ERICH1: variants seen among roughly 807,000 people sequenced by gnomAD.
ERICH1 encodes glutamate-rich protein 1.
Under a neutral mutation model 39.6 loss-of-function variants are expected in ERICH1, and 56 were observed. The ratio of observed to expected loss-of-function variants is 1.41; its 90% CI spans 1.14 to 1.77. The LOEUF (loss-of-function observed/expected upper bound fraction) is 1.77, where lower values mean the gene tolerates loss of function less well. ERICH1 is among the 40% of genes most tolerant of loss of function. ERICH1 has a pLI of 0.00. For missense variants in ERICH1, 826 were observed against 575.4 expected, an observed-to-expected ratio of 1.44 and a Z score of -4.45; for synonymous variants, 313 against 223.6, an observed-to-expected ratio of 1.40 and a Z score of -3.57.
rs1188620531 is a variant in ERICH1, at chr8:626,968, T to G, written c.977-11684A>C. The G allele has an allele frequency of 1.8e-5, 7 of 382,812 alleles. 1 individual carries two copies. The highest frequency in any genetic ancestry group is 9.0e-4 in the Middle Eastern group (1 of 1,116). 23.7% of individuals were successfully genotyped at this position (382,812 alleles called of 1,614,324 possible). The stretch of plus-strand genomic sequence containing the variant: ...TGGAACCCCAACCCGAGCTGTGCCG[T>G]GGAGGAGGAAAGCACAGCTTGGCCT... On this transcript the variant is annotated intron_variant, in intron 3 of 3. Coordinates refer to the ERICH1 transcript ENST00000522706.
chr8:618,411 G>A (rs1409038802), intron 3 of ERICH1, among the ~76,000 whole-genome samples: 7 of 151,978 alleles, frequency 4.6e-5, no homozygotes, highest in Admixed American at 4.6e-4. Flanking sequence ...CACCATCACT[G>A]CCCTCTGAGT....
At chr8:652,508 T>C (rs2117341705) in intron 3 of ERICH1, among the ~76,000 whole-genome samples, 1 of 152,360 alleles carries the variant, frequency 6.6e-6, no homozygotes, top group Admixed American at 6.5e-5. Flanking sequence ...TGGTTCTGGC[T>C]CACACCTGCT....
intron 1 of ERICH1, among the ~76,000 whole-genome samples, chr8:722,875 G>A (rs1369685810): frequency 2.6e-5 from 4 of 152,200 alleles, no homozygotes; most frequent in South Asian, 2.1e-4. Flanking sequence ...ATGCTTACAG[G>A]AATTCATTAA....
intron 3 of ERICH1, among the ~76,000 whole-genome samples, chr8:643,027 T>C (rs937662244): frequency 2.6e-5 from 4 of 152,122 alleles, no homozygotes; most frequent in Non-Finnish European, 5.9e-5. Context: ...GCCCTCCCTG[T>C]TGCTACTGGA....
At chr8:623,532 G>A (rs1284921512) in intron 3 of ERICH1, among the ~76,000 whole-genome samples, 2 of 152,040 alleles carry the variant, frequency 1.3e-5, no homozygotes, top group Non-Finnish European at 2.9e-5. Flanking sequence ...GATAAAAATT[G>A]TATATATTTA....
At chr8:680,690 C>G (rs1371241444) in intron 3 of ERICH1, among the ~76,000 whole-genome samples, 1 of 152,286 alleles carries the variant, frequency 6.6e-6, no homozygotes, top group Non-Finnish European at 1.5e-5. Context: ...GAATCCACAG[C>G]TGCCACCCCA....
chr8:694,774 T>G (rs1033049325), intron 2 of ERICH1, among the ~76,000 whole-genome samples: 1 of 152,210 alleles, frequency 6.6e-6, no homozygotes, highest in African/African-American at 2.4e-5. Flanking sequence ...CACTTACGCC[T>G]TGCACAAGTT....
At chr8:683,825 CT>C (rs752350149) in intron 3 of ERICH1, among the ~76,000 whole-genome samples, 22 of 152,236 alleles carry the variant, frequency 1.4e-4, no homozygotes, top group Non-Finnish European at 2.9e-4. Flanking sequence ...AGCTAAACGT[CT>C]GCCTTCTGAA....
At chr8:699,976 C>A (rs1191733892) in intron 2 of ERICH1, among the ~76,000 whole-genome samples, 1 of 143,482 alleles carries the variant, frequency 7.0e-6, no homozygotes, top group East Asian at 2.1e-4. Flanking sequence ...CGCACAGACC[C>A]GCACACGCGC....
intron 3 of ERICH1, among the ~76,000 whole-genome samples, chr8:635,755 C>A (rs1013434582): frequency 6.6e-6 from 1 of 152,228 alleles, no homozygotes; most frequent in Non-Finnish European, 1.5e-5. Flanking sequence ...GGGGCCGACG[C>A]TCCCCCAGCG....
At chr8:709,378 G>A (rs75086308) in intron 2 of ERICH1, among the ~76,000 whole-genome samples, 36,477 of 151,948 alleles carry the variant, frequency 0.24, 5,485 homozygotes, top group Non-Finnish European at 0.34. Flanking sequence ...TCACCCTGGG[G>A]GGTTCAGCCC....
chr8:697,496 C>G (rs1043041348), intron 2 of ERICH1, among the ~76,000 whole-genome samples: 5 of 152,176 alleles, frequency 3.3e-5, no homozygotes, highest in African/African-American at 1.2e-4. Flanking sequence ...GCTCAGACTC[C>G]CAGTGACAGG....
At chr8:709,698 G>T (rs1197176771) in intron 2 of ERICH1, among the ~76,000 whole-genome samples, 1 of 152,196 alleles carries the variant, frequency 6.6e-6, no homozygotes, top group Non-Finnish European at 1.5e-5. Context: ...CAAGTGCTTT[G>T]TCAGACTCAA....
At chr8:638,269 G>A (rs1022272061) in intron 3 of ERICH1, among the ~76,000 whole-genome samples, 2 of 152,204 alleles carry the variant, frequency 1.3e-5, no homozygotes, top group African/African-American at 4.8e-5. Context: ...TGCTTACAGG[G>A]CTTTGGGCTA....
intron 1 of ERICH1, among the ~76,000 whole-genome samples, chr8:719,701 T>C (rs1363385111): frequency 1.3e-5 from 2 of 152,222 alleles, no homozygotes; most frequent in Non-Finnish European, 1.5e-5. Flanking sequence ...CCTTCCATGT[T>C]TATCACGTGG....
At chr8:642,492 CA>C (rs1799122885) in intron 3 of ERICH1, among the ~76,000 whole-genome samples, 1 of 151,936 alleles carries the variant, frequency 6.6e-6, no homozygotes, top group Non-Finnish European at 1.5e-5. Context: ...CTACAGGCAC[CA>C]GCCACCACGC....
At chr8:701,349 C>T (rs1201694963) in intron 2 of ERICH1, among the ~76,000 whole-genome samples, 5 of 151,650 alleles carry the variant, frequency 3.3e-5, no homozygotes, top group Non-Finnish European at 7.4e-5. Context: ...GCCGTACCCA[C>T]GGGTCTACCC....
exon 4 of ERICH1, chr8:615,194 G>C: frequency 3.0e-6 from 2 of 659,284 alleles, no homozygotes; most frequent in Non-Finnish European, 5.4e-6. Flanking sequence ...CTCTTGACCT[G>C]GAATTGTCCA....
intron 3 of ERICH1, among the ~76,000 whole-genome samples, chr8:675,149 G>A (rs1804426047): frequency 9.2e-6 from 1 of 109,020 alleles, no homozygotes; most frequent in African/African-American, 3.1e-5. Context: ...GAGACGCGGC[G>A]GCCCCTCGTG....
Sources: allele counts gnomAD v4.1 joint callset (sites outside exome capture counted in the v4.1 genomes callset), GRCh38; gene constraint gnomAD v4.1.1; transcripts MANE v1.5; gene names NCBI Gene and HGNC (gene_info 2026-07-23, HGNC 2026-07-21).